CRLF3: variants seen among roughly 807,000 people sequenced by gnomAD.
CRLF3 encodes the protein cytokine receptor like factor 3, also known as cytokine receptor-like factor 3.
CRLF3 carries 33 observed loss-of-function variants against 55.0 expected under a neutral mutation model. The ratio of observed to expected loss-of-function variants is 0.60; its 90% CI spans 0.46 to 0.80. The LOEUF (loss-of-function observed/expected upper bound fraction) is 0.80. CRLF3 is among the 30% of genes least tolerant of loss of function. The probability of loss-of-function intolerance (pLI) is 0.00; values close to 1 mark genes in which losing one functional copy is unlikely to be tolerated. For synonymous variants in CRLF3, 238 were observed against 196.8 expected (o/e 1.21, Z -1.75); for missense variants, 494 against 538.4 (o/e 0.92, Z 0.82).
In CRLF3 at chr17:30,791,426, C is replaced by T. The variant is rs573636634; in HGVS notation, c.959+1014G>A. On this transcript the variant is annotated intron_variant, in intron 6 of 7. Coordinates refer to ENST00000324238, the MANE Select transcript of CRLF3 (RefSeq NM_015986.4). The stretch of plus-strand genomic sequence containing the variant: ...TTTACCAGGTTGACCAGGCTGGTCT[C>T]GAACTCCTGACCACAAGTGATCCAA... Among the ~76,000 whole-genome samples, 6 of 152,066 alleles carry T rather than the reference C, an allele frequency of 3.9e-5. No homozygotes were observed. The South Asian group carries it at 6.2e-4, about 16-fold the overall frequency.
At chr17:30,794,435 G>A (rs564863842) in intron 4 of CRLF3, among the ~76,000 whole-genome samples, 8 of 152,100 alleles carry the variant, frequency 5.3e-5, no homozygotes, top group Non-Finnish European at 1.2e-4. Flanking sequence ...AACATAAATA[G>A]CCAAAAATGT....
At chr17:30,802,295 T>C (rs1972018409) in intron 2 of CRLF3, among the ~76,000 whole-genome samples, 1 of 152,100 alleles carries the variant, frequency 6.6e-6, no homozygotes, top group African/African-American at 2.4e-5. Flanking sequence ...GCTATTTTTG[T>C]ATTTTTAGTA....
chr17:30,815,524 A>AAAAT (rs1904769112), intron 1 of CRLF3, among the ~76,000 whole-genome samples: 1 of 149,242 alleles, frequency 6.7e-6, no homozygotes. Context: ...GCCCGACCAG[A>AAAAT]AAATGGCTAG....
At chr17:30,793,407 A>C (rs1597918801) in intron 5 of CRLF3, 43 bp downstream of exon 5, 2 of 1,464,264 alleles carry the variant, frequency 1.4e-6, no homozygotes, top group Admixed American at 1.7e-5. Context: ...CAGGTATTCT[A>C]ATATATAGTT....
chr17:30,785,782 A>AAT, intron 7 of CRLF3, 137 bp downstream of exon 7: 1 of 119,492 alleles, frequency 8.4e-6, no homozygotes, highest in Non-Finnish European at 1.6e-5. Context: ...ACTTCATAAT[A>AAT]AAAAAAAAAA....
chr17:30,789,443 A>G (rs1971735497), intron 6 of CRLF3, among the ~76,000 whole-genome samples: 1 of 152,208 alleles, frequency 6.6e-6, no homozygotes, highest in South Asian at 2.1e-4. Context: ...TCAAGTGGTG[A>G]AAGGTCATAA....
chr17:30,795,487 ACT>A (rs1971899803), intron 4 of CRLF3, among the ~76,000 whole-genome samples: 1 of 139,448 alleles, frequency 7.2e-6, no homozygotes, highest in Admixed American at 7.5e-5. Flanking sequence ...CAACAACGAA[ACT>A]CTGTCTCAAA....
chr17:30,806,308 C>A (rs995226215), intron 1 of CRLF3, among the ~76,000 whole-genome samples: 2 of 152,136 alleles, frequency 1.3e-5, no homozygotes, highest in Non-Finnish European at 2.9e-5. Context: ...TATTCAATTG[C>A]AGAAGTTTAC....
rs1971573149 is a variant in CRLF3 at position 30,784,064 on chromosome 17, T to C, written c.*123A>G. On this transcript the variant is annotated 3_prime_UTR_variant, in exon 8 of 8. Transcript: ENST00000324238. The stretch of plus-strand genomic sequence containing the variant: ...CTAAAATATTACAAAATGAATCCAG[T>C]AAACACTTTCCAATGGCCTAAGTTA... The C allele has an allele frequency of 3.7e-6, 3 of 819,740 alleles. No individual in the cohort carries two copies. The highest frequency in any genetic ancestry group is 1.9e-6 in the Non-Finnish European group (1 of 520,510). 50.8% of individuals were successfully genotyped at this position (819,740 alleles called of 1,614,324 possible). A position where few individuals can be genotyped will look rare whatever the true frequency, so the allele number is the denominator to read the frequency against.
At chr17:30,789,744 G>A (rs1971745586) in intron 6 of CRLF3, among the ~76,000 whole-genome samples, 2 of 152,062 alleles carry the variant, frequency 1.3e-5, no homozygotes, top group African/African-American at 4.8e-5. Context: ...ACAGTACATG[G>A]CACATAGTAA....
intron 2 of CRLF3, among the ~76,000 whole-genome samples, chr17:30,801,615 G>C (rs1052665667): frequency 1.1e-4 from 16 of 152,136 alleles, no homozygotes; most frequent in Admixed American, 9.8e-4. Flanking sequence ...ATTTTTAGTA[G>C]AGATGGGGTT....
chr17:30,822,902 G>T (rs571879502), intron 1 of CRLF3, among the ~76,000 whole-genome samples: 1 of 152,098 alleles, frequency 6.6e-6, no homozygotes, highest in East Asian at 1.9e-4. Flanking sequence ...TTTCAAAATA[G>T]CAGAAGGAAT....
At chr17:30,816,921 T>C (rs1904824132) in intron 1 of CRLF3, among the ~76,000 whole-genome samples, 2 of 152,210 alleles carry the variant, frequency 1.3e-5, no homozygotes, top group Non-Finnish European at 2.9e-5. Flanking sequence ...GTGTAGCAGA[T>C]GATACCATCT....
intron 1 of CRLF3, among the ~76,000 whole-genome samples, chr17:30,816,308 A>G (rs1341788109): frequency 6.6e-6 from 1 of 151,732 alleles, no homozygotes; most frequent in Non-Finnish European, 1.5e-5. Flanking sequence ...GACAACTTGT[A>G]AAAAGATTTA....
chr17:30,789,528 ACT>A (rs1971738430), intron 6 of CRLF3, among the ~76,000 whole-genome samples: 1 of 152,060 alleles, frequency 6.6e-6, no homozygotes, highest in Non-Finnish European at 1.5e-5. Context: ...AATCATGTTA[ACT>A]CTCCCATGAA....
intron 1 of CRLF3, among the ~76,000 whole-genome samples, chr17:30,808,233 G>A (rs377331818): frequency 2.0e-4 from 29 of 146,524 alleles, no homozygotes; most frequent in African/African-American, 6.3e-4. Flanking sequence ...TGCTAAATCA[G>A]AACATGAATT....
intron 1 of CRLF3, among the ~76,000 whole-genome samples, chr17:30,823,331 C>T (rs1222710613): frequency 2.6e-5 from 4 of 151,770 alleles, no homozygotes; most frequent in Non-Finnish European, 5.9e-5. Context: ...TGCCACTGCA[C>T]TCCACCCTGA....
Position 30,824,661 on chromosome 17 carries a change from C to T in CRLF3, c.-10G>A. ...CCATCGCCCCCCTCATCTGGCCGCG[C>T]GGCCGGCGAAACCTAGCGCGGGTTC... On this transcript the variant is annotated 5_prime_UTR_variant, in exon 1 of 8. Transcript: ENST00000324238. 1.9e-6 allele frequency: 3 copies of T among 1,585,988 alleles called. No homozygotes were observed. The highest frequency in any genetic ancestry group is 8.5e-7 in the Non-Finnish European group (1 of 1,172,070).
At chr17:30,822,645 A>G (rs1905030999) in intron 1 of CRLF3, among the ~76,000 whole-genome samples, 1 of 152,234 alleles carries the variant, frequency 6.6e-6, no homozygotes, top group African/African-American at 2.4e-5. Context: ...TTGAAAAAAT[A>G]CAGGTTTGAA....
Sources: allele counts gnomAD v4.1 joint callset (sites outside exome capture counted in the v4.1 genomes callset), GRCh38; gene constraint gnomAD v4.1.1; transcripts MANE v1.5; gene names NCBI Gene and HGNC (gene_info 2026-07-23, HGNC 2026-07-21).